The following GREB1 variants were observed in gnomAD, a reference collection of about 807,000 sequenced individuals.
GREB1 encodes growth regulating estrogen receptor binding 1, also known as protein GREB1.
GREB1 carries 106 observed loss-of-function variants against 200.7 expected under a neutral mutation model. The observed-to-expected ratio is 0.53, with a 90% CI of 0.45 to 0.62. The LOEUF (loss-of-function observed/expected upper bound fraction) is 0.62, where lower values mean the gene tolerates loss of function less well. GREB1 is among the 20% of genes least tolerant of loss of function. The probability of loss-of-function intolerance (pLI) is 0.00; values close to 1 mark genes in which losing one functional copy is unlikely to be tolerated. For missense variants in GREB1, 2,243 were observed against 2,556.8 expected (o/e 0.88, Z 2.65); for synonymous variants, 1,132 against 1,092.4 (o/e 1.04, Z -0.72).
intron 1 of GREB1, among the ~76,000 whole-genome samples, chr2:11,545,053 G>C (rs985297448): frequency 3.4e-4 from 51 of 152,036 alleles, no homozygotes; most frequent in African/African-American, 1.2e-3. Flanking sequence ...GACCACAGGT[G>C]ATCCACTCGC....
In GREB1 at chr2:11,548,860, A is replaced by G. The variant is rs1347475021; in HGVS notation, c.-161-7594A>G. ...GCATTTCAGAAAATGGTTTTACTCT[A>G]CTCTCACTTTGATTATTATTTTTGT... On this transcript the variant is annotated intron_variant, in intron 1 of 32. Coordinates refer to ENST00000381486, the MANE Select transcript of GREB1 (RefSeq NM_014668.4). The surrounding 1 kb of genome is among the most constrained non-coding windows in gnomAD (Gnocchi z 5.1). Among the ~76,000 whole-genome samples the G allele has an allele frequency of 6.6e-6, 1 of 151,878 alleles. No homozygotes were observed.
intron 16 of GREB1, 38 bp from the exon 17 acceptor site, chr2:11,602,368 T>C: frequency 6.3e-7 from 1 of 1,599,580 alleles, no homozygotes; most frequent in Admixed American, 1.7e-5. Flanking sequence ...TCCCTGCGAA[T>C]GCAGTGTTGG....
intron 22 of GREB1, 82 bp downstream of exon 22, chr2:11,619,001 A>G (rs145802552): frequency 9.8e-4 from 1,234 of 1,262,912 alleles, no homozygotes; most frequent in Non-Finnish European, 1.3e-3. Context: ...CCTGGGGGTG[A>G]CCGCACCCAC....
rs1680465094 is a variant in GREB1 at position 11,589,043 on chromosome 2, G to T, written c.1345+112G>T. The T allele has an allele frequency of 5.1e-6, 4 of 789,452 alleles. No individual in the cohort carries two copies. In the Admixed American group the frequency reaches 8.3e-5, roughly 16 times the overall value. The allele number at this position is 789,452 out of a possible 1,614,324, so 48.9% of individuals were successfully genotyped here. On this transcript the variant is annotated intron_variant, in intron 10 of 32. Transcript: ENST00000381486. ...TTGGGCTGCTGGAATTGAAATACAT[G>T]GGGAGAGCTTATGGCTTCACTGGCG...
chr2:11,630,094 C>T lies in GREB1; in HGVS notation c.4596C>T (p.Pro1532=), dbSNP rs764109148. 2 of 1,614,164 alleles carry T rather than the reference C, an allele frequency of 1.2e-6. No homozygotes were observed. Among genetic ancestry groups the T allele is most frequent in the Non-Finnish European group, 8.5e-7 (1 of 1,180,012 alleles). ...GCCAGCTGGAGAGCATGCGACTACC[C>T]CTCGTGACAGACAAGGTACTGGCTC... The part of the protein sequence containing the change: ...PGGQLESMRL[P]LVTDKSHEYI... The change falls in exon 26 of 33, where the codon CCC becomes CCT. Residue 1532 remains proline, a synonymous_variant. Transcript: ENST00000381486.
intron 1 of GREB1, among the ~76,000 whole-genome samples, chr2:11,499,025 G>T (rs750088427): frequency 1.3e-5 from 2 of 152,062 alleles, no homozygotes; most frequent in Non-Finnish European, 2.9e-5. Flanking sequence ...TCCTGGTGGT[G>T]GGGGGGTGGA....
At position 11,635,273 on chromosome 2, in the gene GREB1, CCTGTGTGACGATGTAGACTTCA is replaced by C; in HGVS notation, c.5215_5236del (p.Leu1739ThrfsTer19). The C allele has an allele frequency of 6.2e-7, 1 of 1,614,170 alleles. No individual in the cohort carries two copies. Among genetic ancestry groups the C allele is most frequent in the Non-Finnish European group, 8.5e-7 (1 of 1,180,022 alleles). On this transcript the variant is annotated frameshift_variant, in exon 30 of 33. Transcript: ENST00000381486. LOFTEE classifies it high-confidence loss of function. ...CCCCTCCTCTGGCCCTGAGTAGGTTCCTGTGTGACGATGTAGACTTCAACCTGCGGGTGCACAGCGCCGGCCT... is the reference window on the plus strand; with the variant it reads ...CCCCTCCTCTGGCCCTGAGTAGGTTCACCTGCGGGTGCACAGCGCCGGCCT...
chr2:11,580,144 G>A lies in GREB1; in HGVS notation c.773-560G>A, dbSNP rs1679313750. ...TCACTATCACGAGAACAGTATGGGG[G>A]AAACCACCCCCATGATTCAATTACC... On this transcript the variant is annotated intron_variant, in intron 6 of 32. Coordinates refer to ENST00000381486, the MANE Select transcript of GREB1 (RefSeq NM_014668.4). This position sits in a 1 kb window ranked among gnomAD's most constrained non-coding sequence, Gnocchi z 4.5. Among the ~76,000 whole-genome samples the A allele has an allele frequency of 6.6e-6, 1 of 152,108 alleles. No homozygotes were observed. Among genetic ancestry groups the A allele is most frequent in the South Asian group, 2.1e-4 (1 of 4,824 alleles).
chr2:11,581,585 G>C (rs544939093), intron 7 of GREB1, among the ~76,000 whole-genome samples: 1 of 152,160 alleles, frequency 6.6e-6, no homozygotes, highest in Non-Finnish European at 1.5e-5. Context: ...AGCTGTGAAC[G>C]GGCGGAGCAA....
At chr2:11,600,619 C>A (rs558890445) in intron 15 of GREB1, among the ~76,000 whole-genome samples, 181 bp from the exon 16 acceptor site, 1 of 152,324 alleles carries the variant, frequency 6.6e-6, no homozygotes, top group Non-Finnish European at 1.5e-5. Flanking sequence ...CTCAGGAGAG[C>A]CCCTGACAGC....
At chr2:11,495,957 G>C (rs1478669426) in intron 1 of GREB1, among the ~76,000 whole-genome samples, 1 of 152,050 alleles carries the variant, frequency 6.6e-6, no homozygotes, top group African/African-American at 2.4e-5. Context: ...CGGCAACCCC[G>C]TTTTCCAGGT....
At chr2:11,624,399 C>G (rs905723247) in intron 23 of GREB1, among the ~76,000 whole-genome samples, 6 of 138,950 alleles carry the variant, frequency 4.3e-5, no homozygotes, top group Non-Finnish European at 6.0e-5. Flanking sequence ...GGTTGGAGTG[C>G]AATGGCGAGA....
intron 15 of GREB1, among the ~76,000 whole-genome samples, chr2:11,600,376 T>C (rs1681673627): frequency 6.6e-6 from 1 of 152,210 alleles, no homozygotes; most frequent in Non-Finnish European, 1.5e-5. Flanking sequence ...TGCTGCCTTT[T>C]AAACTGACTA....
At chr2:11,485,277 T>TA (rs1672629333) in intron 1 of GREB1, among the ~76,000 whole-genome samples, 1 of 1,354 alleles carries the variant, frequency 7.4e-4, no homozygotes, top group African/African-American at 7.8e-4. Flanking sequence ...ATATATGTAT[T>TA]TTTTTTTTTT....
chr2:11,621,173 A>G (rs1454596092), intron 23 of GREB1, among the ~76,000 whole-genome samples, 166 bp downstream of exon 23: 1 of 152,110 alleles, frequency 6.6e-6, no homozygotes, highest in Non-Finnish European at 1.5e-5. Flanking sequence ...CATTTTTCTC[A>G]GTATCAGGCT....
intron 1 of GREB1, among the ~76,000 whole-genome samples, chr2:11,537,044 C>T (rs572601033): frequency 3.3e-5 from 5 of 152,148 alleles, no homozygotes; most frequent in Non-Finnish European, 1.5e-5. Flanking sequence ...CTCATTGCAA[C>T]CTCCTCCTCC....
intron 9 of GREB1, chr2:11,588,488 A>G (rs1479747740): frequency 3.9e-6 from 2 of 506,390 alleles, no homozygotes; most frequent in Non-Finnish European, 7.2e-6. Flanking sequence ...CCTCACTTGT[A>G]AAAAATAAGA....
intron 4 of GREB1, among the ~76,000 whole-genome samples, chr2:11,567,271 T>C (rs1019026416): frequency 2.6e-5 from 4 of 152,124 alleles, no homozygotes; most frequent in African/African-American, 9.7e-5. Flanking sequence ...ATTACAGGTG[T>C]GCACCACCAC....
At position 11,600,977 on chromosome 2, in the gene GREB1, G is replaced by C; in HGVS notation, c.2511G>C (p.Trp837Cys). 1 of 1,611,854 alleles carries C rather than the reference G, an allele frequency of 6.2e-7. No individual in the cohort carries two copies. The highest frequency in any genetic ancestry group is 1.1e-5 in the South Asian group (1 of 91,018). The change falls in exon 16 of 33, where the codon TGG becomes TGC. Residue 837 changes from tryptophan (W) to cysteine (C), a missense_variant. Physicochemically the swap from Trp to Cys is radical, Grantham distance 215 (BLOSUM62 -2). Around this residue, in one of 3 missense-constraint regions of GREB1, gnomAD observed 1,178 missense variants for 1,387.4 expected, o/e 0.85. Coordinates refer to ENST00000381486, the MANE Select transcript of GREB1 (RefSeq NM_014668.4). ...TCAGCCCCTACAACGAGATCCACTGGCCTGCCTCCTGCAGTAATGTGAGTG... is the reference window on the plus strand; with the variant it reads ...TCAGCCCCTACAACGAGATCCACTGCCCTGCCTCCTGCAGTAATGTGAGTG... ...TLISPYNEIH[W>C]PASCSNGVDL...
Sources: gnomAD v4.1 joint callset for allele counts (sites outside exome capture counted in the v4.1 genomes callset) on GRCh38, gnomAD v4.1.1 for gene constraint, gnomAD v4.1.1 regional missense constraint, Gnocchi (gnomAD v3.1) non-coding constraint, MANE v1.5 for transcripts, NCBI Gene and HGNC (gene_info 2026-07-23, HGNC 2026-07-21) for gene names.